The following PEPD variants were observed in gnomAD, a reference collection of about 807,000 sequenced individuals.
PEPD encodes peptidase D, also known as xaa-Pro dipeptidase.
PEPD carries 53 observed loss-of-function variants against 60.7 expected under a neutral mutation model. The ratio of observed to expected loss-of-function variants is 0.87; its 90% CI spans 0.70 to 1.10. The LOEUF is 1.10. Ranked by LOEUF, PEPD falls within the 50% of genes least tolerant of loss-of-function variation. The pLI, the probability that PEPD is intolerant of heterozygous loss-of-function variation, is 0.00. For synonymous variants in PEPD, 267 were observed against 284.1 expected, an observed-to-expected ratio of 0.94 and a Z score of 0.60; for missense variants, 711 against 711.9, an observed-to-expected ratio of 1.00 and a Z score of 0.01.
chr19:33,394,315 C>T (rs975581394), intron 12 of PEPD, among the ~76,000 whole-genome samples: 9 of 152,276 alleles, frequency 5.9e-5, no homozygotes, highest in African/African-American at 2.2e-4. Context: ...GCCCAGCCTC[C>T]GCAGAGGGCG....
intron 9 of PEPD, among the ~76,000 whole-genome samples, chr19:33,414,935 G>A (rs1017627981): frequency 2.0e-5 from 3 of 152,190 alleles, no homozygotes; most frequent in African/African-American, 7.2e-5. Flanking sequence ...CCCCGTATTC[G>A]TGGTGCAAGC....
intron 3 of PEPD, among the ~76,000 whole-genome samples, chr19:33,501,793 C>G (rs1970719652): frequency 6.6e-6 from 1 of 152,122 alleles, no homozygotes; most frequent in Non-Finnish European, 1.5e-5. Context: ...GCCTCAAACT[C>G]CTGGTCTCAA....
chr19:33,489,007 G>A (rs1970447953), intron 6 of PEPD, among the ~76,000 whole-genome samples: 1 of 152,214 alleles, frequency 6.6e-6, no homozygotes, highest in Admixed American at 6.5e-5. Context: ...AGCAATGCAG[G>A]CCACAGACCC....
At chr19:33,518,980 T>G (rs1260625318) in intron 1 of PEPD, among the ~76,000 whole-genome samples, 1 of 152,050 alleles carries the variant, frequency 6.6e-6, no homozygotes, top group Non-Finnish European at 1.5e-5. Flanking sequence ...CCAGGGCTAG[T>G]TGGGTGAGTG....
chr19:33,433,206 G>A (rs1384054801), intron 9 of PEPD, among the ~76,000 whole-genome samples: 1 of 152,226 alleles, frequency 6.6e-6, no homozygotes, highest in Non-Finnish European at 1.5e-5. Flanking sequence ...AGCCTCCCCA[G>A]CAACTTCACT....
chr19:33,520,669 T>C (rs1227046563), intron 1 of PEPD, among the ~76,000 whole-genome samples: 1 of 152,196 alleles, frequency 6.6e-6, no homozygotes, highest in Non-Finnish European at 1.5e-5. Flanking sequence ...ACCCACTTTC[T>C]GTTGCCATTT....
At chr19:33,500,093 G>C (rs1568504280) in intron 4 of PEPD, among the ~76,000 whole-genome samples, 1 of 152,262 alleles carries the variant, frequency 6.6e-6, no homozygotes, top group African/African-American at 2.4e-5. Context: ...GTGGCTACAG[G>C]ATGGCCCTGT....
chr19:33,450,907 AT>A (rs1969684816), intron 9 of PEPD, among the ~76,000 whole-genome samples: 1 of 152,192 alleles, frequency 6.6e-6, no homozygotes, highest in African/African-American at 2.4e-5. Flanking sequence ...TCAGTTTACC[AT>A]TGTCATGGCA....
intron 7 of PEPD, among the ~76,000 whole-genome samples, chr19:33,475,675 C>A (rs1970202019): frequency 6.6e-6 from 1 of 151,756 alleles, no homozygotes; most frequent in South Asian, 2.1e-4. Flanking sequence ...GCCATGGTCT[C>A]CAAGGCACCC....
intron 13 of PEPD, chr19:33,388,410 C>G (rs1220683226): frequency 3.8e-6 from 2 of 529,964 alleles, no homozygotes; most frequent in Non-Finnish European, 6.9e-6. Context: ...TGCCCTTAGC[C>G]AGGCCCCGCT....
At chr19:33,447,982 C>A (rs1182930760) in intron 9 of PEPD, among the ~76,000 whole-genome samples, 1 of 152,182 alleles carries the variant, frequency 6.6e-6, no homozygotes, top group African/African-American at 2.4e-5. Context: ...GGGGAGGAGC[C>A]TCAACTTTGG....
rs746397420 is a variant in PEPD, at chr19:33,413,565, C to T, written c.740+10G>A. 6.5e-7 allele frequency: 1 copy of T among 1,534,346 alleles called. No homozygotes were observed. The highest frequency in any genetic ancestry group is 8.9e-7 in the Non-Finnish European group (1 of 1,127,750). On this transcript the variant is annotated intron_variant, in intron 10 of 14. Transcript: ENST00000244137. ...GGTCACCCCCAGGGGAGCCAGGGTG[C>T]CCCGCTTACCTGCCGCAGATGCAGG...
chr19:33,470,928 G>A (rs1034600796), intron 7 of PEPD, among the ~76,000 whole-genome samples: 11 of 152,046 alleles, frequency 7.2e-5, no homozygotes, highest in African/African-American at 2.7e-4. Flanking sequence ...TGGACCACAG[G>A]AGCCCACACT....
chr19:33,467,761 C>T (rs1006702712), intron 7 of PEPD, among the ~76,000 whole-genome samples: 5 of 152,246 alleles, frequency 3.3e-5, no homozygotes, highest in East Asian at 1.9e-4. Flanking sequence ...CTAGCTTTCC[C>T]GTACTGATTT....
chr19:33,454,247 G>C (rs1015537017), intron 9 of PEPD, among the ~76,000 whole-genome samples: 3 of 152,188 alleles, frequency 2.0e-5, no homozygotes, highest in Non-Finnish European at 4.4e-5. Flanking sequence ...GGAAGGATTT[G>C]AGCATCACAG....
At chr19:33,389,637 C>T (rs1053960836) in intron 13 of PEPD, among the ~76,000 whole-genome samples, 21 of 152,248 alleles carry the variant, frequency 1.4e-4, no homozygotes, top group African/African-American at 4.6e-4. Flanking sequence ...CTTCCAGTCA[C>T]CCCTCCATCC....
intron 9 of PEPD, among the ~76,000 whole-genome samples, chr19:33,459,074 G>A (rs554970290): frequency 4.6e-5 from 7 of 152,128 alleles, no homozygotes; most frequent in African/African-American, 1.4e-4. Flanking sequence ...AGGGACTGAC[G>A]GGGACAGGAG....
At chr19:33,515,071 G>A (rs561019343) in intron 1 of PEPD, among the ~76,000 whole-genome samples, 51 of 152,324 alleles carry the variant, frequency 3.3e-4, no homozygotes, top group African/African-American at 1.0e-3. Flanking sequence ...GCCGCCTCGG[G>A]TGGAAACACT....
At chr19:33,437,299 G>C (rs879288376) in intron 9 of PEPD, among the ~76,000 whole-genome samples, 1 of 152,000 alleles carries the variant, frequency 6.6e-6, no homozygotes, top group Non-Finnish European at 1.5e-5. Context: ...GCAATTCCAC[G>C]AACAAATGGT....
Sources: gnomAD v4.1 joint callset for allele counts (sites outside exome capture counted in the v4.1 genomes callset) on GRCh38, gnomAD v4.1.1 for gene constraint, MANE v1.5 for transcripts, NCBI Gene and HGNC (gene_info 2026-07-23, HGNC 2026-07-21) for gene names.